DNAI1: variants seen among roughly 807,000 people sequenced by gnomAD.
DNAI1 encodes dynein axonemal intermediate chain 1.
A neutral mutation model predicts 92.0 loss-of-function variants in DNAI1; 67 were observed. The observed-to-expected ratio is 0.73, with a 90% confidence interval of 0.60 to 0.89. The LOEUF (loss-of-function observed/expected upper bound fraction) is 0.89. DNAI1 is among the 40% of genes least tolerant of loss of function. DNAI1 has a pLI of 0.00. For synonymous variants in DNAI1, 323 were observed against 319.6 expected (o/e 1.01, Z -0.11); for missense variants, 839 against 866.6 (o/e 0.97, Z 0.40).
intron 4 of DNAI1, 136 bp downstream of exon 4, chr9:34,485,653 G>A (rs901766898): frequency 1.2e-5 from 10 of 834,306 alleles, no homozygotes; most frequent in Non-Finnish European, 2.0e-5. Context: ...AGAATCCTCA[G>A]ATTTCATATG....
chr9:34,514,758 A>T lies in DNAI1; in HGVS notation c.1818+19A>T. 1 of 1,612,652 alleles carries T rather than the reference A, an allele frequency of 6.2e-7. No individual in the cohort carries two copies. Among genetic ancestry groups the T allele is most frequent in the South Asian group, 1.1e-5 (1 of 91,046 alleles). On this transcript the variant is annotated intron_variant, in intron 18 of 19. Coordinates refer to ENST00000242317, the MANE Select transcript of DNAI1 (RefSeq NM_012144.4). ...TGGGAAGGTGAGTGCCAGCGTCCTG[A>T]CTTCACTGAGTCCCTACTGGAGATC...
intron 10 of DNAI1, among the ~76,000 whole-genome samples, 176 bp downstream of exon 10, chr9:34,497,375 T>G (rs1824748007): frequency 6.6e-6 from 1 of 152,224 alleles, no homozygotes; most frequent in Non-Finnish European, 1.5e-5. Flanking sequence ...TAACCATGAC[T>G]GATGGCATAA....
chr9:34,477,546 G>C (rs1054880211), intron 1 of DNAI1, among the ~76,000 whole-genome samples: 3 of 152,328 alleles, frequency 2.0e-5, no homozygotes, highest in Admixed American at 6.5e-5. Context: ...AGAAACTGGA[G>C]TCAGGGAGAT....
At chr9:34,496,843 C>T (rs1228811022) in intron 9 of DNAI1, among the ~76,000 whole-genome samples, 4 of 152,202 alleles carry the variant, frequency 2.6e-5, no homozygotes, top group Non-Finnish European at 5.9e-5. Flanking sequence ...TTCTCCAAAA[C>T]AAGTCCAGAA....
At chr9:34,462,121 C>G (rs1345651717) in intron 1 of DNAI1, among the ~76,000 whole-genome samples, 3 of 152,156 alleles carry the variant, frequency 2.0e-5, no homozygotes, top group Non-Finnish European at 4.4e-5. Flanking sequence ...AGGATAAAGT[C>G]CCAAAAGTCC....
At chr9:34,481,796 C>T (rs896643250) in intron 1 of DNAI1, among the ~76,000 whole-genome samples, 5 of 152,198 alleles carry the variant, frequency 3.3e-5, no homozygotes, top group Admixed American at 2.6e-4. Flanking sequence ...TGCAGATCTT[C>T]ACAGTGAGTG....
intron 12 of DNAI1, among the ~76,000 whole-genome samples, chr9:34,504,823 T>A (rs1824894183): frequency 6.6e-6 from 1 of 152,192 alleles, no homozygotes; most frequent in African/African-American, 2.4e-5. Context: ...CCCCTGCCTT[T>A]GGAAACTGTG....
chr9:34,472,366 T>G (rs1588089882), intron 1 of DNAI1, among the ~76,000 whole-genome samples: 1 of 152,364 alleles, frequency 6.6e-6, no homozygotes. Context: ...AGGCTTACTC[T>G]AGAGCTCCAG....
chr9:34,503,034 G>A (rs1165702691), intron 12 of DNAI1, among the ~76,000 whole-genome samples: 1 of 152,164 alleles, frequency 6.6e-6, no homozygotes, highest in Non-Finnish European at 1.5e-5. Flanking sequence ...AGTACCCTCA[G>A]GGAGCCCGAG....
chr9:34,510,919 C>T (rs150244572), intron 13 of DNAI1, among the ~76,000 whole-genome samples: 503 of 152,328 alleles, frequency 3.3e-3, no homozygotes, highest in Non-Finnish European at 4.9e-3. Context: ...GCTGCCTGGA[C>T]AGACCAAGAC....
chr9:34,502,226 G>T (rs1177046490), intron 12 of DNAI1, among the ~76,000 whole-genome samples: 1 of 152,200 alleles, frequency 6.6e-6, no homozygotes, highest in Non-Finnish European at 1.5e-5. Context: ...TCCCAGTCTT[G>T]TGGTCTGGGC....
Position 34,482,967 on chromosome 9 carries a change from G to C in DNAI1, c.49-481G>C, listed in dbSNP as rs192353421. Among the ~76,000 whole-genome samples, 406 of 152,358 alleles carry C rather than the reference G, an allele frequency of 2.7e-3. 2 individuals are homozygous for C. The highest frequency in any genetic ancestry group is 4.2e-3 in the Non-Finnish European group (287 of 68,036). On this transcript the variant is annotated intron_variant, in intron 1 of 19. Transcript: ENST00000242317. The stretch of plus-strand genomic sequence containing the variant: ...AGCGCAGTGCTGGTGGGCCAGCACT[G>C]CTGGGGGACTCAGTACACCCTCCGC...
intron 1 of DNAI1, among the ~76,000 whole-genome samples, chr9:34,482,189 G>A (rs1824372979): frequency 6.6e-6 from 1 of 151,848 alleles, no homozygotes; most frequent in African/African-American, 2.4e-5. Flanking sequence ...GCTGATTGGT[G>A]TGTTTACAAA....
intron 1 of DNAI1, among the ~76,000 whole-genome samples, chr9:34,462,373 G>A (rs1001747580): frequency 1.5e-4 from 23 of 151,926 alleles, no homozygotes; most frequent in Admixed American, 4.6e-4. Context: ...TTCATATTTC[G>A]GGTCTAAGCT....
chr9:34,483,654 C>G (rs1009177354), intron 2 of DNAI1, among the ~76,000 whole-genome samples, 174 bp downstream of exon 2: 1 of 152,090 alleles, frequency 6.6e-6, no homozygotes, highest in Admixed American at 6.6e-5. Context: ...GTTACATCCT[C>G]TCAGATATTT....
chr9:34,463,776 G>A (rs1181850657), intron 1 of DNAI1, among the ~76,000 whole-genome samples: 1 of 152,254 alleles, frequency 6.6e-6, no homozygotes, highest in African/African-American at 2.4e-5. Context: ...AGGCTCCTAT[G>A]GTGCAATACT....
intron 1 of DNAI1, among the ~76,000 whole-genome samples, chr9:34,460,447 A>G (rs1823929954): frequency 1.3e-5 from 2 of 152,162 alleles, no homozygotes; most frequent in Admixed American, 6.5e-5. Context: ...GGCCACCTCC[A>G]TGTTAGCCTT....
intron 2 of DNAI1, among the ~76,000 whole-genome samples, chr9:34,484,582 A>C (rs1824434956): frequency 6.6e-6 from 1 of 152,226 alleles, no homozygotes; most frequent in Non-Finnish European, 1.5e-5. Context: ...CACTTTGGCA[A>C]CATGTTTAAG....
At chr9:34,459,090 CCTT>C (rs1564023974) in intron 1 of DNAI1, 37 bp downstream of exon 1, 1 of 1,593,970 alleles carries the variant, frequency 6.3e-7, no homozygotes. Context: ...TGACCTCTGA[CCTT>C]CGTCGTCGCC....
Sources: allele counts gnomAD v4.1 joint callset (sites outside exome capture counted in the v4.1 genomes callset), GRCh38; gene constraint gnomAD v4.1.1; transcripts MANE v1.5; gene names NCBI Gene and HGNC (gene_info 2026-07-23, HGNC 2026-07-21).